The following DCAKD variants were observed in gnomAD, a reference collection of about 807,000 sequenced individuals.
The protein encoded by DCAKD is dephospho-CoA kinase domain containing.
In DCAKD, 15 loss-of-function variants were observed where a neutral mutation model predicts 18.7. That is an observed-to-expected ratio of 0.80 (90% CI 0.54 to 1.24). The LOEUF is 1.24. Among genes scored for constraint, DCAKD ranks in the 50% most tolerant of loss-of-function variants. The probability of loss-of-function intolerance (pLI) is 0.00; values close to 1 mark genes in which losing one functional copy is unlikely to be tolerated. For synonymous variants in DCAKD, 130 were observed against 133.0 expected (o/e 0.98, Z 0.16); for missense variants, 301 against 322.0 (o/e 0.93, Z 0.50).
At chr17:45,058,394 T>C (rs1339149243) in intron 1 of DCAKD, among the ~76,000 whole-genome samples, 1 of 152,058 alleles carries the variant, frequency 6.6e-6, no homozygotes, top group Non-Finnish European at 1.5e-5. Context: ...GTGCTGGGAT[T>C]ACAGGCATGA....
At chr17:45,057,599 A>C (rs1216749920) in intron 1 of DCAKD, among the ~76,000 whole-genome samples, 1 of 149,648 alleles carries the variant, frequency 6.7e-6, no homozygotes, top group Non-Finnish European at 1.5e-5. Flanking sequence ...GCTACTCGGG[A>C]GGTTGAGGCA....
At chr17:45,033,922 A>AT in intron 3 of DCAKD, 1 of 1,486,774 alleles carries the variant, frequency 6.7e-7, no homozygotes, top group African/African-American at 1.4e-5. Flanking sequence ...CCCTACTAGA[A>AT]AAACCAACTT....
chr17:45,057,083 A>G (rs1379523210), intron 1 of DCAKD, among the ~76,000 whole-genome samples: 4 of 151,254 alleles, frequency 2.6e-5, no homozygotes, highest in African/African-American at 9.7e-5. Flanking sequence ...TCCTATTTAT[A>G]TAGAGACGGG....
intron 1 of DCAKD, 53 bp from the exon 2 acceptor site, chr17:45,035,052 G>A: frequency 1.5e-6 from 1 of 647,254 alleles, no homozygotes; most frequent in South Asian, 1.9e-5. Context: ...ATAATTGGGA[G>A]AGAGGAGGCA....
At chr17:45,059,600 T>C (rs1352888446) in intron 1 of DCAKD, among the ~76,000 whole-genome samples, 1 of 152,184 alleles carries the variant, frequency 6.6e-6, no homozygotes, top group African/African-American at 2.4e-5. Flanking sequence ...TTTTTTCCCC[T>C]GATATAGAAT....
chr17:45,047,875 C>T (rs1469752791), intron 1 of DCAKD, among the ~76,000 whole-genome samples: 1 of 152,092 alleles, frequency 6.6e-6, no homozygotes. Flanking sequence ...AGACTACAAG[C>T]ATAAGCCACC....
upstream of DCAKD, among the ~76,000 whole-genome samples, chr17:45,052,248 A>T (rs1320270938): frequency 6.6e-6 from 1 of 152,182 alleles, no homozygotes; most frequent in Non-Finnish European, 1.5e-5. Flanking sequence ...GCAAAACTGC[A>T]GGGTCCTAAC....
intron 1 of DCAKD, among the ~76,000 whole-genome samples, chr17:45,058,185 C>T (rs191988775): frequency 9.3e-5 from 14 of 150,836 alleles, no homozygotes; most frequent in African/African-American, 2.9e-4. Flanking sequence ...CATGGGGGTG[C>T]GCACCTGTAG....
intron 1 of DCAKD, among the ~76,000 whole-genome samples, chr17:45,057,451 C>A (rs2053793737): frequency 1.3e-5 from 2 of 151,944 alleles, no homozygotes; most frequent in South Asian, 2.1e-4. Context: ...GCCTGTAATC[C>A]CAGCACTTTG....
chr17:45,024,380 C>T lies in DCAKD; in HGVS notation c.*53G>A. 4 of 1,542,038 alleles carry T rather than the reference C, an allele frequency of 2.6e-6. No homozygotes were observed. The highest frequency in any genetic ancestry group is 2.5e-5 in the South Asian group (2 of 81,558). ...GGAAACAGGATGTGTTACCTGGCTT[C>T]AGCCTCCAAGGAGATAGATGGAGGC... is the stretch of plus-strand genomic sequence containing the variant. On this transcript the variant is annotated 3_prime_UTR_variant, in exon 5 of 5. Coordinates refer to ENST00000651974, the MANE Select transcript of DCAKD (RefSeq NM_001288655.2).
intron 4 of DCAKD, chr17:45,026,680 C>CA: frequency 1.0e-6 from 1 of 985,388 alleles, no homozygotes; most frequent in Non-Finnish European, 1.2e-6. Flanking sequence ...CAAATGCAGC[C>CA]ACTTGCCATG....
chr17:45,036,027 C>T (rs1233769617), intron 1 of DCAKD, among the ~76,000 whole-genome samples: 1 of 152,140 alleles, frequency 6.6e-6, no homozygotes, highest in Admixed American at 6.6e-5. Flanking sequence ...GGAGGCTGGG[C>T]GATGCTGGTG....
At chr17:45,028,975 G>C (rs541329745) in intron 4 of DCAKD, among the ~76,000 whole-genome samples, 61 of 152,310 alleles carry the variant, frequency 4.0e-4, no homozygotes, top group Non-Finnish European at 1.3e-4. Flanking sequence ...AAAGTGCTGG[G>C]ATTACAGGCG....
intron 4 of DCAKD, chr17:45,026,843 G>C: frequency 1.0e-6 from 1 of 985,072 alleles, no homozygotes; most frequent in Non-Finnish European, 1.2e-6. Context: ...TCTAGTGTGA[G>C]ATTAGAGATG....
In DCAKD at chr17:45,048,561, C is replaced by T. The variant is rs148358499; in HGVS notation, c.-115+2800G>A. Among the ~76,000 whole-genome samples, 1,086 of 152,140 alleles carry T rather than the reference C, an allele frequency of 7.1e-3. 37 individuals carry two copies. In the East Asian group the frequency reaches 0.11, roughly 16 times the overall value. ...CTGAGGCAGAAGAATCGCTTGAAAC[C>T]GGGAGGCAGACGTTGCAGTAAGCCG... On this transcript the variant is annotated intron_variant, in intron 1 of 4. Coordinates refer to ENST00000651974, the MANE Select transcript of DCAKD (RefSeq NM_001288655.2).
At chr17:45,029,692 T>C (rs866072010) in intron 4 of DCAKD, among the ~76,000 whole-genome samples, 11 of 152,070 alleles carry the variant, frequency 7.2e-5, no homozygotes, top group African/African-American at 2.7e-4. Flanking sequence ...CTCTTTAATT[T>C]TATCTTCAGT....
At chr17:45,038,935 G>C (rs747078119) in intron 1 of DCAKD, among the ~76,000 whole-genome samples, 3 of 152,184 alleles carry the variant, frequency 2.0e-5, no homozygotes, top group Non-Finnish European at 4.4e-5. Context: ...TGCAGGAACG[G>C]TGCCAGGGAC....
At chr17:45,057,535 T>A (rs180905690) in intron 1 of DCAKD, among the ~76,000 whole-genome samples, 65 of 151,026 alleles carry the variant, frequency 4.3e-4, no homozygotes, top group Admixed American at 3.9e-3. Flanking sequence ...AAACCCCGTC[T>A]CTACTAAAAT....
chr17:45,031,755 T>A, intron 3 of DCAKD: 1 of 985,432 alleles, frequency 1.0e-6, no homozygotes, highest in Non-Finnish European at 1.2e-6. Context: ...AGCTGTCACA[T>A]CCCTCCTGTC....
Sources: allele counts gnomAD v4.1 joint callset (sites outside exome capture counted in the v4.1 genomes callset), GRCh38; gene constraint gnomAD v4.1.1; transcripts MANE v1.5; gene names NCBI Gene and HGNC (gene_info 2026-07-23, HGNC 2026-07-21).